CCDC141: variants seen among roughly 807,000 people sequenced by gnomAD.
CCDC141 encodes coiled-coil domain containing 141.
In CCDC141, 168 loss-of-function variants were observed where a neutral mutation model predicts 181.0. The observed-to-expected ratio is 0.93, with a 90% CI of 0.82 to 1.05. The LOEUF (loss-of-function observed/expected upper bound fraction) is 1.05, where lower values mean the gene tolerates loss of function less well. CCDC141 is among the 50% of genes least tolerant of loss of function. The pLI is 0.00. For synonymous variants in CCDC141, 666 were observed against 642.3 expected (o/e 1.04, Z -0.56); for missense variants, 1,902 against 1,788.5 (o/e 1.06, Z -1.14).
In CCDC141 at chr2:178,975,162, C is replaced by A. The variant is rs969783068; in HGVS notation, c.421G>T (p.Ala141Ser). Residue 141 changes from alanine (A) to serine (S), a missense_variant, in exon 4 of 24, where the codon GCT (alanine) becomes TCT (serine). Ala to Ser is a moderately conservative substitution (Grantham distance 99, BLOSUM62 1). Coordinates refer to ENST00000443758, the MANE Select transcript of CCDC141 (RefSeq NM_173648.4). The part of the protein sequence containing the change: ...SEFFENALEF[A>S]IKIDQAEDFL... ...TCTTCAGCTTGGTCTATTTTAATAG[C>A]AAACTACAATAGAAATACAGAGGAA... 1 of 1,437,208 alleles carries A rather than the reference C, an allele frequency of 7.0e-7. No individual in the cohort carries two copies. The highest frequency in any genetic ancestry group is 9.5e-7 in the Non-Finnish European group (1 of 1,053,782). The allele number at this position is 1,437,208 out of a possible 1,614,324, so 89.0% of individuals were successfully genotyped here.
At chr2:178,869,392 T>C (rs769372256) in intron 14 of CCDC141, 87 bp from the exon 15 acceptor site, 127 of 906,342 alleles carry the variant, frequency 1.4e-4, no homozygotes, top group Non-Finnish European at 2.0e-4. Context: ...AAACAATGAA[T>C]CACTCTTTCA....
intron 2 of CCDC141, among the ~76,000 whole-genome samples, chr2:179,026,737 A>G (rs2042856977): frequency 6.6e-6 from 1 of 152,240 alleles, no homozygotes; most frequent in South Asian, 2.1e-4. Flanking sequence ...AGCTCATGAA[A>G]GCAGCCAGGA....
rs1248340565 is a variant in CCDC141 at position 178,988,269 on chromosome 2, T to C, written c.226-9594A>G. Among the ~76,000 whole-genome samples, 6 of 136,848 alleles carry C rather than the reference T, an allele frequency of 4.4e-5. No homozygotes were observed. The South Asian group carries it at 9.0e-4, about 21-fold the overall frequency. The allele number at this position is 136,848 out of a possible 152,430, so 89.8% of individuals were successfully genotyped here. On this transcript the variant is annotated intron_variant, in intron 2 of 23. Transcript: ENST00000443758. Reference sequence around the variant, plus strand: ...TCACTCATAGGTGGGAATTGAACAGTGAGATCACATGGACACAGGAAGGGG... The same window carrying C: ...TCACTCATAGGTGGGAATTGAACAGCGAGATCACATGGACACAGGAAGGGG...
At chr2:178,823,679 A>G in the CCDC141 span, among the ~76,000 whole-genome samples, 3 of 152,220 alleles carry the variant, frequency 2.0e-5, no homozygotes, top group Non-Finnish European at 2.9e-5. Context: ...CTATTTAGAA[A>G]TAATTCTTTT....
chr2:178,820,316 T>C, the CCDC141 span, among the ~76,000 whole-genome samples: 1 of 152,100 alleles, frequency 6.6e-6, no homozygotes, highest in Non-Finnish European at 1.5e-5. Flanking sequence ...CTGTGGTGTG[T>C]TTTTTTAAGG....
intron 2 of CCDC141, among the ~76,000 whole-genome samples, chr2:179,045,524 C>T (rs2043467290): frequency 6.6e-6 from 1 of 151,984 alleles, no homozygotes; most frequent in Non-Finnish European, 1.5e-5. Context: ...TGGGTATGTA[C>T]CCAGTAATGG....
At chr2:179,008,989 T>C (rs754238260) in intron 2 of CCDC141, among the ~76,000 whole-genome samples, 1 of 152,164 alleles carries the variant, frequency 6.6e-6, no homozygotes, top group Non-Finnish European at 1.5e-5. Context: ...GTCCATCCTA[T>C]CTTTCTCATG....
At chr2:178,946,738 C>T (rs77210184) in intron 5 of CCDC141, among the ~76,000 whole-genome samples, 2,858 of 152,200 alleles carry the variant, frequency 0.019, 88 homozygotes, top group African/African-American at 0.066. Context: ...GATTTTTAAA[C>T]GGTATCTACT....
intron 2 of CCDC141, chr2:179,002,423 G>T: frequency 1.1e-5 from 4 of 368,890 alleles, no homozygotes; most frequent in South Asian, 8.7e-5. Flanking sequence ...TTCCTGGACT[G>T]ACTGACACCA....
intron 17 of CCDC141, among the ~76,000 whole-genome samples, chr2:178,863,909 C>G (rs1296086197): frequency 3.3e-5 from 5 of 152,202 alleles, no homozygotes; most frequent in Non-Finnish European, 5.9e-5. Flanking sequence ...ACAGACAATC[C>G]TGGGGCGTAC....
chr2:178,981,636 G>GTATATATATATA (rs1193430874), intron 2 of CCDC141, among the ~76,000 whole-genome samples: 663 of 62,328 alleles, frequency 0.011, 35 homozygotes, highest in African/African-American at 0.03. Context: ...GTGTGTGTGT[G>GTATATATATATA]TATATATATA....
At chr2:178,852,427 G>A (rs1337830380) in intron 20 of CCDC141, among the ~76,000 whole-genome samples, 1 of 152,168 alleles carries the variant, frequency 6.6e-6, no homozygotes, top group Non-Finnish European at 1.5e-5. Context: ...GGAGCAGAGT[G>A]TCTCCAAAAT....
chr2:178,918,719 A>G lies in CCDC141; in HGVS notation c.1086T>C (p.Ala362=). The change falls in exon 7 of 24, where the codon GCT becomes GCC. Residue 362 remains alanine, a synonymous_variant. Coordinates refer to ENST00000443758, the MANE Select transcript of CCDC141 (RefSeq NM_173648.4). ...AACTTGACCTCACACTGACCTTGTT[A>G]GCACTGTTAAAAAATTCATTCGCCT... ...LKKANEFFNS[A]NKAFDVLGRV... The G allele has an allele frequency of 6.5e-7, 1 of 1,550,384 alleles. No individual in the cohort carries two copies. The highest frequency in any genetic ancestry group is 8.7e-7 in the Non-Finnish European group (1 of 1,146,882).
Position 178,996,163 on chromosome 2 carries a change from T to G in CCDC141, c.226-17488A>C, listed in dbSNP as rs183475073. Reference sequence around the variant, plus strand: ...GTGCAGTGGCTTGATCTTGGCTCACTGCAACCTCTGCCTCCCAGATTCTCC... The same window carrying G: ...GTGCAGTGGCTTGATCTTGGCTCACGGCAACCTCTGCCTCCCAGATTCTCC... On this transcript the variant is annotated intron_variant, in intron 2 of 23. Coordinates refer to ENST00000443758, the MANE Select transcript of CCDC141 (RefSeq NM_173648.4). Among the ~76,000 whole-genome samples the G allele has an allele frequency of 2.1e-3, 313 of 151,770 alleles. 1 individual carries two copies. The highest frequency in any genetic ancestry group is 7.1e-3 in the African/African-American group (296 of 41,420).
At chr2:178,863,284 G>T (rs1163864525) in intron 17 of CCDC141, among the ~76,000 whole-genome samples, 1 of 152,162 alleles carries the variant, frequency 6.6e-6, no homozygotes, top group Non-Finnish European at 1.5e-5. Context: ...AAAATCCATT[G>T]CAAGTCAGAG....
intron 11 of CCDC141, among the ~76,000 whole-genome samples, chr2:178,881,725 CA>C (rs552808853): frequency 2.9e-4 from 43 of 149,814 alleles, no homozygotes; most frequent in South Asian, 6.4e-4. Context: ...CCCATTTTTA[CA>C]AAAAAAAATA....
At position 178,878,009 on chromosome 2, in the gene CCDC141, A is replaced by G. The variant is rs1002272746; in HGVS notation, c.1854T>C (p.Phe618=). 2.5e-6 allele frequency: 4 copies of G among 1,613,940 alleles called. No individual in the cohort carries two copies. The highest frequency in any genetic ancestry group is 4.5e-5 in the East Asian group (2 of 44,860). The change falls in exon 12 of 24, where the codon TTT becomes TTC. Residue 618 remains phenylalanine (F), a synonymous_variant. Transcript: ENST00000443758. ...KQWQLFLKKS[F]ITQDLGLEFL... is the part of the protein sequence containing the mutation. ...ACTCAAGCCCTAGATCTTGTGTTATAAAACTCTTCTTTAAAAATAGCTGCC... is the reference window on the plus strand; with the variant it reads ...ACTCAAGCCCTAGATCTTGTGTTATGAAACTCTTCTTTAAAAATAGCTGCC...
intron 6 of CCDC141, among the ~76,000 whole-genome samples, chr2:178,933,149 C>T (rs769914678): frequency 1.3e-5 from 2 of 152,096 alleles, no homozygotes; most frequent in Admixed American, 6.6e-5. Flanking sequence ...GGCTGAGATA[C>T]GTGAATGCTG....
Position 178,837,023 on chromosome 2 carries a change from C to T in CCDC141, c.4196G>A (p.Ser1399Asn), listed in dbSNP as rs756977503. Residue 1399 changes from serine (S) to asparagine (N), a missense_variant, in exon 23 of 24, where the codon AGC becomes AAC. Transcript: ENST00000443758. ...REEIKSTSAK[S>N]SVVSLADQAP... ...CTGGTCAGCTAGGCTGACCACGCTGCTCTTTGCTGATGTGCTTTTAATCTC... is the reference window on the plus strand; with the variant it reads ...CTGGTCAGCTAGGCTGACCACGCTGTTCTTTGCTGATGTGCTTTTAATCTC... The T allele has an allele frequency of 4.3e-6, 7 of 1,613,902 alleles. No homozygotes were observed. Among genetic ancestry groups the T allele is most frequent in the Non-Finnish European group, 5.9e-6 (7 of 1,179,964 alleles).
Sources: allele counts gnomAD v4.1 joint callset (sites outside exome capture counted in the v4.1 genomes callset), GRCh38; gene constraint gnomAD v4.1.1; transcripts MANE v1.5; gene names NCBI Gene and HGNC (gene_info 2026-07-23, HGNC 2026-07-21).